LRRIQ1: variants seen among roughly 807,000 people sequenced by gnomAD.
LRRIQ1 encodes the protein leucine rich repeats and IQ motif containing 1, also known as leucine-rich repeat- and IQ domain-containing protein 1.
Under a neutral mutation model 211.9 loss-of-function variants are expected in LRRIQ1, and 210 were observed. The observed-to-expected ratio is 0.99, with a 90% confidence interval of 0.89 to 1.11. The LOEUF (loss-of-function observed/expected upper bound fraction) is 1.11. Ranked by LOEUF, LRRIQ1 falls within the 50% of genes most tolerant of loss-of-function variation. The pLI, the probability that LRRIQ1 is intolerant of heterozygous loss-of-function variation, is 0.00. For missense variants in LRRIQ1, 2,136 were observed against 1,939.5 expected, an observed-to-expected ratio of 1.10 and a Z score of -1.90; for synonymous variants, 699 against 650.1, an observed-to-expected ratio of 1.08 and a Z score of -1.14.
downstream of LRRIQ1, among the ~76,000 whole-genome samples, chr12:85,266,997 G>T (rs951977011): frequency 6.6e-6 from 1 of 152,110 alleles, no homozygotes; most frequent in Non-Finnish European, 1.5e-5. Context: ...CAAGAGCAGA[G>T]GTGAGAAAGC....
At chr12:85,243,282 T>C (rs189637057) in intron 26 of LRRIQ1, among the ~76,000 whole-genome samples, 1 of 147,694 alleles carries the variant, frequency 6.8e-6, no homozygotes, top group Non-Finnish European at 1.5e-5. Context: ...TTGGATACTA[T>C]TGAAATACAT....
intron 11 of LRRIQ1, among the ~76,000 whole-genome samples, chr12:85,089,435 G>A (rs77387297): frequency 0.02 from 3,121 of 152,298 alleles, 136 homozygotes; most frequent in East Asian, 0.2. Flanking sequence ...ACTTATTGGA[G>A]CCTGGATAAA....
At chr12:85,089,536 G>T (rs891065572) in intron 11 of LRRIQ1, among the ~76,000 whole-genome samples, 1 of 152,184 alleles carries the variant, frequency 6.6e-6, no homozygotes, top group African/African-American at 2.4e-5. Flanking sequence ...TGGGGAATTG[G>T]CAAGATTATG....
intron 6 of LRRIQ1, among the ~76,000 whole-genome samples, chr12:85,049,889 C>T: frequency 6.6e-6 from 1 of 152,096 alleles, no homozygotes; most frequent in East Asian, 1.9e-4. Context: ...TTTTACTTTC[C>T]CTTGACTTCT....
At chr12:85,041,699 A>C (rs1878910931) in intron 3 of LRRIQ1, among the ~76,000 whole-genome samples, 1 of 151,878 alleles carries the variant, frequency 6.6e-6, no homozygotes, top group Non-Finnish European at 1.5e-5. Context: ...TATTCTCAAC[A>C]TATAAAAAAT....
Position 85,124,349 on chromosome 12 carries a change from A to C in LRRIQ1, c.3837A>C (p.Lys1279Asn). Residue 1279 changes from lysine (K) to asparagine (N), a missense_variant, in exon 17 of 27, where the codon AAA becomes AAC. By Grantham distance (94) the Lys-to-Asn change is moderately conservative (BLOSUM62 0). Coordinates refer to ENST00000393217, the MANE Select transcript of LRRIQ1 (RefSeq NM_001079910.2). ...DSVSSHSPLS[K>N]SATCENMEGR... ...TCTCCAGCCACTCCCCATTAAGCAA[A>C]TCCGCCACATGTGAAAATATGGAAG... The C allele has an allele frequency of 1.2e-6, 2 of 1,614,104 alleles. No homozygotes were observed. The highest frequency in any genetic ancestry group is 2.2e-5 in the South Asian group (2 of 91,084).
downstream of LRRIQ1, among the ~76,000 whole-genome samples, chr12:85,247,051 A>G (rs1026199491): frequency 1.3e-5 from 2 of 151,620 alleles, no homozygotes; most frequent in African/African-American, 2.4e-5. Context: ...TGTTCTTTAT[A>G]ATCATCACCT....
At chr12:85,255,725 T>C (rs989956161) in intron 1 of LRRIQ1, among the ~76,000 whole-genome samples, 2 of 151,784 alleles carry the variant, frequency 1.3e-5, no homozygotes, top group Non-Finnish European at 3.0e-5. Context: ...AACCATTAAA[T>C]CTGATTCTTG....
chr12:85,098,279 G>A (rs1358672526), intron 11 of LRRIQ1, 76 bp from the exon 12 acceptor site: 5 of 961,198 alleles, frequency 5.2e-6, no homozygotes, highest in East Asian at 2.7e-5. Context: ...CAATTATTTA[G>A]AAAAAAAATG....
chr12:85,106,477 C>T (rs1886790351), intron 14 of LRRIQ1, 45 bp from the exon 15 acceptor site: 2 of 1,321,702 alleles, frequency 1.5e-6, no homozygotes, highest in South Asian at 1.2e-5. Flanking sequence ...GATATTTGTT[C>T]TAAATCTGTG....
chr12:85,092,957 G>T (rs1162696543), intron 11 of LRRIQ1, among the ~76,000 whole-genome samples: 11 of 152,172 alleles, frequency 7.2e-5, no homozygotes, highest in Admixed American at 7.2e-4. Flanking sequence ...CTTTTGGCTA[G>T]CACCATAACC....
intron 6 of LRRIQ1, among the ~76,000 whole-genome samples, chr12:85,051,608 T>A (rs1880331556): frequency 6.6e-6 from 1 of 152,218 alleles, no homozygotes; most frequent in African/African-American, 2.4e-5. Flanking sequence ...TTATTTTTTA[T>A]ATTTTTCTCT....
chr12:85,223,496 G>A (rs1025795849), intron 24 of LRRIQ1, among the ~76,000 whole-genome samples: 1 of 152,148 alleles, frequency 6.6e-6, no homozygotes, highest in Non-Finnish European at 1.5e-5. Flanking sequence ...ACAGTATCTT[G>A]TAGTGATATT....
intron 24 of LRRIQ1, among the ~76,000 whole-genome samples, chr12:85,187,923 C>G (rs1323477054): frequency 6.6e-6 from 1 of 151,856 alleles, no homozygotes; most frequent in Non-Finnish European, 1.5e-5. Context: ...AATTTAAAAC[C>G]CTGATTAGAC....
intron 24 of LRRIQ1, among the ~76,000 whole-genome samples, chr12:85,179,129 A>G (rs1187690150): frequency 6.6e-6 from 1 of 151,910 alleles, no homozygotes; most frequent in Non-Finnish European, 1.5e-5. Flanking sequence ...AAAGTATATT[A>G]TATTCATTCT....
At chr12:85,207,756 G>A (rs972617387) in intron 24 of LRRIQ1, among the ~76,000 whole-genome samples, 2 of 152,094 alleles carry the variant, frequency 1.3e-5, no homozygotes, top group African/African-American at 4.8e-5. Flanking sequence ...CATGTATCCA[G>A]TTGTTCCGAC....
chr12:85,050,092 T>C (rs1030877777), intron 6 of LRRIQ1, among the ~76,000 whole-genome samples: 1 of 152,150 alleles, frequency 6.6e-6, no homozygotes, highest in Non-Finnish European at 1.5e-5. Context: ...TAATGTGGAC[T>C]CAGAGCAAAA....
chr12:85,238,193 G>A (rs1219214907), intron 26 of LRRIQ1, among the ~76,000 whole-genome samples: 1 of 150,928 alleles, frequency 6.6e-6, no homozygotes, highest in Non-Finnish European at 1.5e-5. Context: ...CAGAAACAAA[G>A]CAAGATAAAC....
chr12:85,113,267 A>T (rs1887315013), intron 15 of LRRIQ1, among the ~76,000 whole-genome samples: 1 of 152,144 alleles, frequency 6.6e-6, no homozygotes, highest in Non-Finnish European at 1.5e-5. Context: ...TTATTTTTTT[A>T]AAGGACATAT....
Sources: allele counts gnomAD v4.1 joint callset (sites outside exome capture counted in the v4.1 genomes callset), GRCh38; gene constraint gnomAD v4.1.1; transcripts MANE v1.5; gene names NCBI Gene and HGNC (gene_info 2026-07-23, HGNC 2026-07-21).